Variants in POLA1 observed in about 807,000 individuals in gnomAD.
POLA1 encodes the protein DNA polymerase alpha catalytic subunit.
POLA1 carries 15 observed loss-of-function variants against 124.0 expected under a neutral mutation model. The ratio of observed to expected loss-of-function variants is 0.12; its 90% CI spans 0.08 to 0.19. POLA1 has a LOEUF of 0.19. POLA1 is among the 10% of genes least tolerant of loss of function. POLA1 has a pLI of 1.00. For synonymous variants in POLA1, 408 were observed against 389.4 expected (o/e 1.05, Z -0.56); for missense variants, 886 against 1,103.4 (o/e 0.80, Z 2.79).
intron 36 of POLA1, among the ~76,000 whole-genome samples, chrX:24,995,534 G>T (rs902852620): frequency 2.7e-5 from 3 of 112,027 alleles, no homozygotes; most frequent in Non-Finnish European, 5.6e-5. Flanking sequence ...TGCACATGAG[G>T]GTGCACCTGC....
In POLA1 at chrX:24,814,962, T is replaced by G. The variant is rs192192226; in HGVS notation, c.3297-17T>G. On this transcript the variant is annotated splice_polypyrimidine_tract_variant and intron_variant, in intron 29 of 36. Coordinates refer to ENST00000379068, the MANE Select transcript of POLA1 (RefSeq NM_001330360.2). ...TCAACTGCTGTCTTTGTTTTGTTTT[T>G]TTTTTTTTTTTTGCAGCTTTGTGAT... 307 of 1,063,551 alleles carry G rather than the reference T, an allele frequency of 2.9e-4. 1 individual carries two copies. In the East Asian group the frequency reaches 5.9e-3, roughly 20 times the overall value. 87.6% of individuals were successfully genotyped at this position (1,063,551 alleles called of 1,213,427 possible). A position where few individuals can be genotyped will look rare whatever the true frequency, so the allele number is the denominator to read the frequency against.
intron 34 of POLA1, among the ~76,000 whole-genome samples, chrX:24,845,153 G>T (rs1249863357): frequency 8.9e-6 from 1 of 111,862 alleles, no homozygotes; most frequent in Non-Finnish European, 1.9e-5. Flanking sequence ...GTATGTTGTG[G>T]TGGTGGTTAT....
intron 36 of POLA1, among the ~76,000 whole-genome samples, chrX:24,962,008 T>G (rs753985057): frequency 8.9e-6 from 1 of 112,185 alleles, no homozygotes; most frequent in South Asian, 3.7e-4. Context: ...TATTGATCAG[T>G]TCTGTGTCAG....
intron 26 of POLA1, among the ~76,000 whole-genome samples, chrX:24,750,420 T>C (rs1932262036): frequency 8.9e-6 from 1 of 112,777 alleles, no homozygotes; most frequent in Non-Finnish European, 1.9e-5. Context: ...GCTTTAATTA[T>C]AATTAAAATG....
chrX:24,963,255 A>G, intron 36 of POLA1, among the ~76,000 whole-genome samples: 1 of 112,097 alleles, frequency 8.9e-6, no homozygotes, highest in East Asian at 2.8e-4. Context: ...GCATATTAAT[A>G]TGCCAAGAAA....
chrX:24,959,858 G>A (rs1393157729), intron 36 of POLA1, among the ~76,000 whole-genome samples: 1 of 111,363 alleles, frequency 9.0e-6, no homozygotes, highest in Non-Finnish European at 1.9e-5. Context: ...TTCTCAGAAT[G>A]GCATATATGG....
intron 26 of POLA1, among the ~76,000 whole-genome samples, chrX:24,801,924 G>GGTGGGTGTGTGTGTGTGTGTGTGT (rs1555994716): frequency 4.0e-5 from 3 of 74,542 alleles, no homozygotes; most frequent in African/African-American, 1.1e-4. Flanking sequence ...GAGGTGGGTG[G>GGTGGGTGTGTGTGTGTGTGTGTGT]GTGTGTGTGT....
intron 35 of POLA1, among the ~76,000 whole-genome samples, chrX:24,905,345 C>T (rs947663263): frequency 1.1e-5 from 1 of 91,773 alleles, no homozygotes; most frequent in Non-Finnish European, 2.0e-5. Flanking sequence ...TCAAAATATC[C>T]AGGATATAAT....
intron 30 of POLA1, among the ~76,000 whole-genome samples, chrX:24,817,067 G>A (rs755414257): frequency 9.0e-6 from 1 of 111,224 alleles, no homozygotes; most frequent in East Asian, 2.8e-4. Context: ...TATGATAGGG[G>A]CTGTGAATAG....
intron 35 of POLA1, among the ~76,000 whole-genome samples, chrX:24,904,348 C>T (rs1210864944): frequency 2.7e-5 from 3 of 110,960 alleles, no homozygotes; most frequent in Non-Finnish European, 5.7e-5. Flanking sequence ...AAGCTACAGA[C>T]AGCAAGTTCC....
chrX:24,703,545 G>C (rs1464598046), intron 3 of POLA1, among the ~76,000 whole-genome samples, 198 bp downstream of exon 3: 1 of 112,050 alleles, frequency 8.9e-6, no homozygotes, highest in Admixed American at 9.5e-5. Flanking sequence ...CATTTATTTG[G>C]GGATATTTTG....
At chrX:24,850,002 G>A (rs947433287) in intron 34 of POLA1, among the ~76,000 whole-genome samples, 1 of 111,009 alleles carries the variant, frequency 9.0e-6, no homozygotes, top group African/African-American at 3.3e-5. Flanking sequence ...TGAACCCCTG[G>A]CCTCCAGCAA....
At chrX:24,821,410 G>A (rs926105026) in intron 30 of POLA1, 42 bp from the exon 31 acceptor site, 1 of 1,132,583 alleles carries the variant, frequency 8.8e-7, no homozygotes, top group Non-Finnish European at 1.2e-6. Context: ...TGTAAGAAGG[G>A]TTTTATTTTA....
chrX:24,725,715 T>C (rs1450898365), intron 12 of POLA1, among the ~76,000 whole-genome samples: 1 of 112,131 alleles, frequency 8.9e-6, no homozygotes, highest in Non-Finnish European at 1.9e-5. Flanking sequence ...TTTAATGCAT[T>C]AACATTGTAA....
intron 26 of POLA1, among the ~76,000 whole-genome samples, chrX:24,761,618 G>T (rs987896149): frequency 1.8e-5 from 2 of 112,093 alleles, no homozygotes; most frequent in Non-Finnish European, 3.8e-5. Flanking sequence ...GGACTGCATG[G>T]CACGATGTGA....
chrX:24,819,696 G>GT (rs1365766324), intron 30 of POLA1, among the ~76,000 whole-genome samples: 1 of 110,769 alleles, frequency 9.0e-6, no homozygotes, highest in Non-Finnish European at 1.9e-5. Context: ...GTGCAGGTTT[G>GT]TTACATAGGT....
intron 32 of POLA1, among the ~76,000 whole-genome samples, chrX:24,838,919 G>A (rs1260439577): frequency 1.8e-5 from 2 of 111,476 alleles, no homozygotes; most frequent in Non-Finnish European, 3.8e-5. Context: ...TTCGAAATAA[G>A]CTGCTGTTAC....
chrX:24,977,484 T>C (rs2048377804), intron 36 of POLA1, among the ~76,000 whole-genome samples: 1 of 111,847 alleles, frequency 8.9e-6, no homozygotes, highest in Non-Finnish European at 1.9e-5. Context: ...GAGGATTTCC[T>C]TTGCACCCAG....
intron 35 of POLA1, among the ~76,000 whole-genome samples, chrX:24,897,459 C>A (rs1400191924): frequency 9.1e-6 from 1 of 109,381 alleles, no homozygotes; most frequent in African/African-American, 3.3e-5. Flanking sequence ...AGTTCGTTCA[C>A]CTCAGGGAGA....
Sources: gnomAD v4.1 joint callset for allele counts (sites outside exome capture counted in the v4.1 genomes callset) on GRCh38, gnomAD v4.1.1 for gene constraint, MANE v1.5 for transcripts, NCBI Gene and HGNC (gene_info 2026-07-23, HGNC 2026-07-21) for gene names.